Variants in ESCO1 observed in about 807,000 individuals in gnomAD.
ESCO1 encodes the protein establishment of sister chromatid cohesion N-acetyltransferase 1, also known as N-acetyltransferase ESCO1.
A neutral mutation model predicts 83.5 loss-of-function variants in ESCO1; 33 were observed. That is an observed-to-expected ratio of 0.40 (90% CI 0.30 to 0.53). The LOEUF (loss-of-function observed/expected upper bound fraction) is 0.53, where lower values mean the gene tolerates loss of function less well. Among genes scored for constraint, ESCO1 ranks in the 20% least tolerant of loss-of-function variants. The pLI, the probability that ESCO1 is intolerant of heterozygous loss-of-function variation, is 0.63. For missense variants in ESCO1, 855 were observed against 968.0 expected (o/e 0.88, Z 1.55); for synonymous variants, 332 against 324.3 (o/e 1.02, Z -0.25).
chr18:21,571,965 T>G (rs1473475169), intron 4 of ESCO1, among the ~76,000 whole-genome samples: 2 of 152,206 alleles, frequency 1.3e-5, no homozygotes, highest in East Asian at 3.8e-4. Flanking sequence ...CACTGATCTA[T>G]TTTCATGGCT....
At chr18:21,586,107 G>A (rs1234626118) in intron 1 of ESCO1, among the ~76,000 whole-genome samples, 1 of 152,054 alleles carries the variant, frequency 6.6e-6, no homozygotes, top group Admixed American at 6.6e-5. Context: ...TCACCCTAGT[G>A]AGCTACCAAA....
chr18:21,564,175 C>T, intron 7 of ESCO1, 28 bp downstream of exon 7: 1 of 1,392,348 alleles, frequency 7.2e-7, no homozygotes, highest in Non-Finnish European at 1.0e-6. Flanking sequence ...AACAACAATT[C>T]ACCAAAATGG....
Position 21,574,986 on chromosome 18 carries a change from C to T in ESCO1, c.-143G>A. ...AACTGATGCTGATATACATTTTCAACAAAAATACTAGTTTGCTTCAAGTAA... is the reference window on the plus strand; with the variant it reads ...AACTGATGCTGATATACATTTTCAATAAAAATACTAGTTTGCTTCAAGTAA... On this transcript the variant is annotated 5_prime_UTR_variant, in exon 4 of 12. Transcript: ENST00000269214. 1.7e-6 allele frequency: 1 copy of T among 590,970 alleles called. No homozygotes were observed. Among genetic ancestry groups the T allele is most frequent in the Non-Finnish European group, 2.8e-6 (1 of 358,368 alleles). The allele number at this position is 590,970 out of a possible 1,614,324, so 36.6% of individuals were successfully genotyped here.
chr18:21,573,290 T>G, intron 4 of ESCO1, 24 bp downstream of exon 4: 1 of 1,531,900 alleles, frequency 6.5e-7, no homozygotes, highest in East Asian at 2.2e-5. Flanking sequence ...GGCACCTCTA[T>G]TGTGCATAAT....
chr18:21,586,343 C>T (rs1261268310), intron 1 of ESCO1, among the ~76,000 whole-genome samples: 1 of 152,180 alleles, frequency 6.6e-6, no homozygotes, highest in East Asian at 1.9e-4. Context: ...ATCCATGTTG[C>T]TGCAGACAAG....
chr18:21,550,172 G>A (rs1248133329), intron 8 of ESCO1, among the ~76,000 whole-genome samples: 1 of 152,144 alleles, frequency 6.6e-6, no homozygotes, highest in Non-Finnish European at 1.5e-5. Flanking sequence ...GATTATGTCT[G>A]GAAGCATGAG....
At chr18:21,538,093 TTA>T (rs770548036) in intron 9 of ESCO1, among the ~76,000 whole-genome samples, 11 of 152,066 alleles carry the variant, frequency 7.2e-5, no homozygotes, top group African/African-American at 9.7e-5. Context: ...AATCAATTAT[TTA>T]TGTTATCAAT....
chr18:21,583,786 T>C (rs1351370952), intron 2 of ESCO1, among the ~76,000 whole-genome samples: 5 of 152,178 alleles, frequency 3.3e-5, no homozygotes, highest in Admixed American at 6.5e-5. Flanking sequence ...ATCTTGACTG[T>C]AGTGGTGATT....
chr18:21,547,959 G>A (rs11662462), intron 8 of ESCO1, among the ~76,000 whole-genome samples: 3 of 151,924 alleles, frequency 2.0e-5, no homozygotes, highest in Non-Finnish European at 2.9e-5. Flanking sequence ...AAAATTAGTC[G>A]GGCATGGTGG....
chr18:21,560,567 T>TA (rs201777299), intron 8 of ESCO1, among the ~76,000 whole-genome samples: 1 of 152,064 alleles, frequency 6.6e-6, no homozygotes, highest in East Asian at 1.9e-4. Flanking sequence ...GGAATTTTAT[T>TA]AAAAAACATA....
intron 1 of ESCO1, among the ~76,000 whole-genome samples, chr18:21,586,031 T>C (rs2038571063): frequency 6.6e-6 from 1 of 152,264 alleles, no homozygotes; most frequent in African/African-American, 2.4e-5. Context: ...CACTTATTAC[T>C]TGTATCAGGA....
chr18:21,565,806 T>C (rs2038251992), intron 6 of ESCO1, among the ~76,000 whole-genome samples: 1 of 151,986 alleles, frequency 6.6e-6, no homozygotes, highest in South Asian at 2.1e-4. Context: ...CCAGGTATGG[T>C]GCCACACTAT....
intron 1 of ESCO1, among the ~76,000 whole-genome samples, chr18:21,598,183 T>TA (rs1652398147): frequency 6.6e-6 from 1 of 152,146 alleles, no homozygotes. Flanking sequence ...CATGAAAAAA[T>TA]ATTTAACTAT....
intron 8 of ESCO1, among the ~76,000 whole-genome samples, chr18:21,556,891 G>C (rs1483280406): frequency 6.6e-6 from 1 of 152,074 alleles, no homozygotes; most frequent in Non-Finnish European, 1.5e-5. Flanking sequence ...ACTAGTGATG[G>C]GGTTTCACCA....
chr18:21,549,009 A>G (rs2038011349), intron 8 of ESCO1, among the ~76,000 whole-genome samples: 1 of 152,132 alleles, frequency 6.6e-6, no homozygotes, highest in Admixed American at 6.6e-5. Flanking sequence ...AGTTTTCTGA[A>G]GTATCAATGT....
rs183595563 is a variant in ESCO1, at chr18:21,548,271, T to C, written c.1954-8262A>G. Among the ~76,000 whole-genome samples the C allele has an allele frequency of 3.7e-3, 566 of 151,698 alleles. 27 individuals are homozygous for C. The highest frequency in any genetic ancestry group is 0.034 in the Admixed American group (514 of 15,220). On this transcript the variant is annotated intron_variant, in intron 8 of 11. Coordinates refer to ENST00000269214, the MANE Select transcript of ESCO1 (RefSeq NM_052911.3). ...ACTTTGGGAGGCCAAGGCAGGACAA[T>C]TGCTTGAGCCCAGGAGTTTGAGACC...
chr18:21,572,962 C>G (rs1426466473), intron 4 of ESCO1, among the ~76,000 whole-genome samples: 1 of 123,116 alleles, frequency 8.1e-6, no homozygotes, highest in African/African-American at 4.0e-5. Flanking sequence ...GAAACTCCAT[C>G]TCAAAAAAAA....
chr18:21,532,415 A>G, intron 11 of ESCO1, 58 bp downstream of exon 11: 1 of 1,522,916 alleles, frequency 6.6e-7, no homozygotes, highest in Non-Finnish European at 8.9e-7. Flanking sequence ...CTTTACACTA[A>G]AGCTCTGCCT....
At chr18:21,590,689 C>T (rs544235983) in intron 1 of ESCO1, among the ~76,000 whole-genome samples, 62 of 152,030 alleles carry the variant, frequency 4.1e-4, no homozygotes, top group African/African-American at 1.4e-3. Context: ...GAGGCTCATA[C>T]CTGTAATCCC....
Sources: gnomAD v4.1 joint callset for allele counts (sites outside exome capture counted in the v4.1 genomes callset) on GRCh38, gnomAD v4.1.1 for gene constraint, MANE v1.5 for transcripts, NCBI Gene and HGNC (gene_info 2026-07-23, HGNC 2026-07-21) for gene names.